The following PTPRT variants were observed in gnomAD, a reference collection of about 807,000 sequenced individuals.
The protein encoded by PTPRT is protein tyrosine phosphatase receptor type T, also known as receptor-type tyrosine-protein phosphatase T.
A neutral mutation model predicts 176.8 loss-of-function variants in PTPRT; 56 were observed. The ratio of observed to expected loss-of-function variants is 0.32; its 90% confidence interval spans 0.26 to 0.40. The LOEUF (loss-of-function observed/expected upper bound fraction) is 0.40. Ranked by LOEUF, PTPRT falls within the 10% of genes least tolerant of loss-of-function variation. The probability of loss-of-function intolerance (pLI) is 1.00; values close to 1 mark genes in which losing one functional copy is unlikely to be tolerated. For synonymous variants in PTPRT, 783 were observed against 739.0 expected (o/e 1.06, Z -0.96); for missense variants, 1,540 against 1,908.2 (o/e 0.81, Z 3.60).
At chr20:42,570,118 C>T (rs562194091) in intron 7 of PTPRT, among the ~76,000 whole-genome samples, 26 of 152,288 alleles carry the variant, frequency 1.7e-4, no homozygotes, top group African/African-American at 5.8e-4. Flanking sequence ...GTCCTTATAC[C>T]TGGCAGGACA....
intron 2 of PTPRT, among the ~76,000 whole-genome samples, chr20:42,826,855 G>A (rs2078002795): frequency 6.6e-6 from 1 of 152,088 alleles, no homozygotes; most frequent in Non-Finnish European, 1.5e-5. Flanking sequence ...AAAATAAAGG[G>A]ATGAGGAAAA....
chr20:42,386,095 A>G (rs1250785169), intron 9 of PTPRT, among the ~76,000 whole-genome samples: 1 of 152,230 alleles, frequency 6.6e-6, no homozygotes, highest in African/African-American at 2.4e-5. Context: ...TTTTACTCAC[A>G]CACACGATGT....
At chr20:42,605,181 G>A (rs189087710) in intron 7 of PTPRT, among the ~76,000 whole-genome samples, 22 of 152,282 alleles carry the variant, frequency 1.4e-4, no homozygotes, top group East Asian at 5.8e-4. Flanking sequence ...GACCTGCCCC[G>A]GAGCAGGTGA....
chr20:43,089,818 A>T (rs185880601), intron 1 of PTPRT, among the ~76,000 whole-genome samples: 1 of 152,178 alleles, frequency 6.6e-6, no homozygotes, highest in Non-Finnish European at 1.5e-5. Context: ...AAGAGCAGCA[A>T]ATGAATTTTC....
At chr20:42,047,596 G>T in the PTPRT span, among the ~76,000 whole-genome samples, 165 of 152,328 alleles carry the variant, frequency 1.1e-3, no homozygotes, top group Admixed American at 1.8e-3. Context: ...TGGCATTCAG[G>T]TATATTCATT....
intron 1 of PTPRT, among the ~76,000 whole-genome samples, chr20:43,043,003 A>G (rs1409200806): frequency 6.6e-6 from 1 of 152,144 alleles, no homozygotes; most frequent in Non-Finnish European, 1.5e-5. Flanking sequence ...GCAATAGCCC[A>G]TGGTCACATG....
intron 9 of PTPRT, among the ~76,000 whole-genome samples, chr20:42,353,659 C>T (rs1446908216): frequency 1.3e-5 from 2 of 152,202 alleles, no homozygotes; most frequent in Non-Finnish European, 2.9e-5. Flanking sequence ...ACTGGTCCCA[C>T]GGATCACACT....
In PTPRT at chr20:42,578,902, TG is replaced by T. The variant is rs758448014; in HGVS notation, c.1153+98963del. ...TTGAGTCTTGCAAGTTTTTTTTTTTTGGGGGGGGGTCGGTTTTTATTATACT... is the reference window on the plus strand; with the variant it reads ...TTGAGTCTTGCAAGTTTTTTTTTTTTGGGGGGGGTCGGTTTTTATTATACT... On this transcript the variant is annotated intron_variant, in intron 7 of 30. Coordinates refer to ENST00000373187, the MANE Select transcript of PTPRT (RefSeq NM_007050.6). Among the ~76,000 whole-genome samples the T allele has an allele frequency of 6.7e-4, 94 of 139,786 alleles. 3 individuals are homozygous for T. The highest frequency in any genetic ancestry group is 1.9e-3 in the African/African-American group (69 of 35,860). The allele number at this position is 139,786 out of a possible 152,430, so 91.7% of individuals were successfully genotyped here. A position where few individuals can be genotyped will look rare whatever the true frequency, so the allele number is the denominator to read the frequency against.
intron 7 of PTPRT, among the ~76,000 whole-genome samples, chr20:42,483,336 G>A (rs1193578181): frequency 2.0e-5 from 3 of 152,084 alleles, no homozygotes; most frequent in African/African-American, 7.2e-5. Context: ...ACTAATTTTT[G>A]TATTTTTAGT....
intron 12 of PTPRT, among the ~76,000 whole-genome samples, chr20:42,284,276 T>C (rs2057190634): frequency 6.6e-6 from 1 of 152,018 alleles, no homozygotes; most frequent in South Asian, 2.1e-4. Flanking sequence ...AACATCCTGG[T>C]GTTTATCCGT....
intron 6 of PTPRT, among the ~76,000 whole-genome samples, chr20:42,742,993 G>A (rs2076634594): frequency 6.6e-6 from 1 of 152,188 alleles, no homozygotes; most frequent in Non-Finnish European, 1.5e-5. Flanking sequence ...TTGCAGCCCT[G>A]TCTTGCTGGG....
intron 13 of PTPRT, among the ~76,000 whole-genome samples, chr20:42,277,375 G>A (rs2057058075): frequency 6.6e-6 from 1 of 152,188 alleles, no homozygotes; most frequent in South Asian, 2.1e-4. Context: ...GCACCCAGCG[G>A]GAGTCTGCAG....
At chr20:42,171,675 A>C (rs1441470052) in intron 16 of PTPRT, among the ~76,000 whole-genome samples, 1 of 152,152 alleles carries the variant, frequency 6.6e-6, no homozygotes, top group Non-Finnish European at 1.5e-5. Flanking sequence ...ATAGAGATAA[A>C]AAAACAAAAC....
chr20:42,212,801 C>G (rs778925561), intron 15 of PTPRT, among the ~76,000 whole-genome samples: 1 of 152,126 alleles, frequency 6.6e-6, no homozygotes, highest in Non-Finnish European at 1.5e-5. Flanking sequence ...CAAAAAAATC[C>G]ATGTTAGTTT....
At chr20:42,843,122 A>T (rs2078308216) in intron 2 of PTPRT, among the ~76,000 whole-genome samples, 1 of 152,198 alleles carries the variant, frequency 6.6e-6, no homozygotes, top group Admixed American at 6.5e-5. Context: ...TTCCCTTCCA[A>T]GGAACTTCTG....
At chr20:42,757,051 TTAAAAA>T (rs1329111532) in intron 5 of PTPRT, among the ~76,000 whole-genome samples, 1 of 125,918 alleles carries the variant, frequency 7.9e-6, no homozygotes, top group Non-Finnish European at 1.6e-5. Flanking sequence ...CCCTGCCTCT[TTAAAAA>T]AAAAAAAAAA....
chr20:42,572,606 C>T (rs2073176278), intron 7 of PTPRT, among the ~76,000 whole-genome samples: 1 of 152,244 alleles, frequency 6.6e-6, no homozygotes, highest in Admixed American at 6.5e-5. Context: ...CCCTTCACCT[C>T]TCAGGCAAGG....
chr20:42,400,264 T>C (rs1302799863), intron 9 of PTPRT, among the ~76,000 whole-genome samples: 1 of 152,126 alleles, frequency 6.6e-6, no homozygotes, highest in East Asian at 1.9e-4. Context: ...GGGACTTCCA[T>C]ATGACTTTTT....
intron 9 of PTPRT, among the ~76,000 whole-genome samples, chr20:42,370,194 C>T (rs1047620290): frequency 2.6e-5 from 4 of 152,184 alleles, no homozygotes; most frequent in Non-Finnish European, 4.4e-5. Context: ...ATGTCAATGC[C>T]TTCATTTCAC....
Sources: allele counts gnomAD v4.1 joint callset (sites outside exome capture counted in the v4.1 genomes callset), GRCh38; gene constraint gnomAD v4.1.1; transcripts MANE v1.5; gene names NCBI Gene and HGNC (gene_info 2026-07-23, HGNC 2026-07-21).